CLDN10: variants seen among roughly 807,000 people sequenced by gnomAD.
CLDN10 encodes the protein claudin 10.
A neutral mutation model predicts 22.9 loss-of-function variants in CLDN10; 15 were observed. The observed-to-expected ratio is 0.65, with a 90% confidence interval of 0.44 to 1.01. CLDN10 has a LOEUF of 1.01. Ranked by LOEUF, CLDN10 falls within the 50% of genes least tolerant of loss-of-function variation. The probability of loss-of-function intolerance (pLI) is 0.00; values close to 1 mark genes in which losing one functional copy is unlikely to be tolerated. For synonymous variants in CLDN10, 114 were observed against 111.4 expected, an observed-to-expected ratio of 1.02 and a Z score of -0.15; for missense variants, 247 against 287.8, an observed-to-expected ratio of 0.86 and a Z score of 1.03.
intron 1 of CLDN10, among the ~76,000 whole-genome samples, chr13:95,503,161 T>C (rs1349036951): frequency 6.6e-6 from 1 of 152,132 alleles, no homozygotes; most frequent in Non-Finnish European, 1.5e-5. Flanking sequence ...ATTTAATATA[T>C]AGCTAAATAT....
At chr13:95,457,077 C>T (rs1269104969) in intron 1 of CLDN10, among the ~76,000 whole-genome samples, 5 of 152,146 alleles carry the variant, frequency 3.3e-5, no homozygotes, top group Admixed American at 2.0e-4. Flanking sequence ...GTCTCGGTCC[C>T]GCAAGTGTTC....
In CLDN10 at chr13:95,488,468, C is replaced by T. The variant is rs188466087; in HGVS notation, c.214+54421C>T. ...GTGAGATTTTGGTGCATCCATCACC[C>T]GAGCAGTATACACTGCACCATATTT... On this transcript the variant is annotated intron_variant, in intron 1 of 4. Coordinates refer to the CLDN10 transcript ENST00000376873. 1.2e-3 allele frequency among the ~76,000 whole-genome samples: 183 copies of T among 151,854 alleles called. 1 individual carries two copies. The highest frequency in any genetic ancestry group is 4.2e-3 in the African/African-American group (174 of 41,360).
chr13:95,560,325 T>A, intron 2 of CLDN10, 32 bp downstream of exon 2: 1 of 1,613,740 alleles, frequency 6.2e-7, no homozygotes, highest in South Asian at 1.1e-5. Flanking sequence ...AACAAGGTAC[T>A]TGATGATGTT....
intron 3 of CLDN10, among the ~76,000 whole-genome samples, chr13:95,576,594 T>G (rs2043930864): frequency 6.6e-6 from 1 of 152,224 alleles, no homozygotes. Flanking sequence ...TCAGTAGCAC[T>G]GTTCATACCT....
chr13:95,548,131 G>C (rs185047515), upstream of CLDN10, among the ~76,000 whole-genome samples: 16 of 152,274 alleles, frequency 1.1e-4, no homozygotes, highest in East Asian at 1.7e-3. Context: ...CCCCGACCTG[G>C]GTGGGAGGTT....
chr13:95,498,517 C>T (rs1040689076), intron 1 of CLDN10, among the ~76,000 whole-genome samples: 3 of 152,150 alleles, frequency 2.0e-5, no homozygotes, highest in Non-Finnish European at 4.4e-5. Flanking sequence ...ACCTCAGCCT[C>T]CCGAGTAGCT....
chr13:95,439,677 C>T (rs932179174), intron 1 of CLDN10, among the ~76,000 whole-genome samples: 35 of 152,026 alleles, frequency 2.3e-4, no homozygotes, highest in Admixed American at 2.0e-3. Flanking sequence ...TTCATGAGGG[C>T]TCTGCCTTCC....
intron 1 of CLDN10, among the ~76,000 whole-genome samples, chr13:95,544,902 G>A (rs1039224487): frequency 6.6e-5 from 10 of 151,496 alleles, no homozygotes; most frequent in South Asian, 2.1e-4. Flanking sequence ...TCAGCCTCCC[G>A]AGTAGCTGGG....
upstream of CLDN10, chr13:95,552,650 C>A: frequency 7.5e-7 from 1 of 1,328,650 alleles, no homozygotes; most frequent in Non-Finnish European, 9.8e-7. Flanking sequence ...TGGGCGGGGA[C>A]GGTGGGCGGA....
intron 1 of CLDN10, among the ~76,000 whole-genome samples, chr13:95,505,386 G>A (rs937634795): frequency 6.6e-6 from 1 of 152,180 alleles, no homozygotes; most frequent in Non-Finnish European, 1.5e-5. Flanking sequence ...CACATTCCAG[G>A]GATGTCTTAC....
intron 1 of CLDN10, among the ~76,000 whole-genome samples, chr13:95,559,131 GTTTA>G (rs1169811555): frequency 6.6e-6 from 1 of 152,148 alleles, no homozygotes; most frequent in East Asian, 1.9e-4. Flanking sequence ...AGGTATATAT[GTTTA>G]TTTGCTTAGC....
chr13:95,433,930 C>T lies in CLDN10; in HGVS notation c.97C>T (p.Arg33Ter), dbSNP rs2042237596. The T allele has an allele frequency of 6.2e-7, 1 of 1,614,052 alleles. No individual in the cohort carries two copies. Among genetic ancestry groups the T allele is most frequent in the Admixed American group, 1.7e-5 (1 of 59,996 alleles). ...GTCCAATGAGTGGAAAGTGACCACG[C>T]GAGCCTCCTCGGTGATAACAGCCAC... is the stretch of plus-strand genomic sequence containing the variant. Residue 33 changes from arginine to a stop codon, truncating the protein, a stop_gained, in exon 1 of 5, where the codon CGA (arginine) becomes TGA (stop). Coordinates refer to the CLDN10 transcript ENST00000376873. LOFTEE classifies it high-confidence loss of function.
chr13:95,491,978 G>C (rs752610944), intron 1 of CLDN10, among the ~76,000 whole-genome samples: 2 of 152,162 alleles, frequency 1.3e-5, no homozygotes, highest in Non-Finnish European at 2.9e-5. Context: ...GCTCCAGGCT[G>C]GTACTGGAGG....
chr13:95,527,163 T>C (rs1194315226), intron 1 of CLDN10, among the ~76,000 whole-genome samples: 2 of 152,210 alleles, frequency 1.3e-5, no homozygotes, highest in African/African-American at 4.8e-5. Flanking sequence ...TTTGGGTTGT[T>C]TCTTGGTTTT....
At chr13:95,550,125 G>A (rs1261313757), upstream of CLDN10, among the ~76,000 whole-genome samples, 3 of 152,170 alleles carry the variant, frequency 2.0e-5, no homozygotes, top group African/African-American at 7.2e-5. Context: ...CTGGTGTGGC[G>A]ATGCGGCAGA....
intron 1 of CLDN10, among the ~76,000 whole-genome samples, chr13:95,506,932 C>T (rs1270458524): frequency 1.3e-5 from 2 of 152,026 alleles, no homozygotes; most frequent in African/African-American, 2.4e-5. Context: ...CAGCAGGCCA[C>T]GAGGAATTGG....
intron 1 of CLDN10, among the ~76,000 whole-genome samples, chr13:95,517,204 C>A (rs758025359): frequency 6.6e-6 from 1 of 151,050 alleles, no homozygotes; most frequent in East Asian, 1.9e-4. Context: ...TCTTTCCTAA[C>A]TTCCTTCCCT....
intron 1 of CLDN10, among the ~76,000 whole-genome samples, chr13:95,449,933 C>T (rs1393367813): frequency 3.3e-5 from 5 of 151,480 alleles, no homozygotes; most frequent in Admixed American, 6.6e-5. Flanking sequence ...TTAGTAGAGA[C>T]GGGGTTTCAC....
At chr13:95,478,428 G>C (rs1482898558) in intron 1 of CLDN10, among the ~76,000 whole-genome samples, 1 of 152,212 alleles carries the variant, frequency 6.6e-6, no homozygotes, top group Non-Finnish European at 1.5e-5. Flanking sequence ...GAACTCCCCA[G>C]GTGATTTAAA....
Sources: allele counts gnomAD v4.1 joint callset (sites outside exome capture counted in the v4.1 genomes callset), GRCh38; gene constraint gnomAD v4.1.1; transcripts MANE v1.5; gene names NCBI Gene and HGNC (gene_info 2026-07-23, HGNC 2026-07-21).